The following DCAF6 variants were observed in gnomAD, a reference collection of about 807,000 sequenced individuals.
DCAF6 encodes DDB1- and CUL4-associated factor 6.
A neutral mutation model predicts 125.1 loss-of-function variants in DCAF6; 54 were observed. The ratio of observed to expected loss-of-function variants is 0.43; its 90% CI spans 0.35 to 0.54. DCAF6 has a LOEUF of 0.54. Among genes scored for constraint, DCAF6 ranks in the 20% least tolerant of loss-of-function variants. The pLI, the probability that DCAF6 is intolerant of heterozygous loss-of-function variation, is 0.01. For missense variants in DCAF6, 934 were observed against 1,161.7 expected (o/e 0.80, Z 2.85); for synonymous variants, 371 against 390.4 (o/e 0.95, Z 0.58).
At chr1:167,905,895 C>T in the DCAF6 span, among the ~76,000 whole-genome samples, 1 of 152,144 alleles carries the variant, frequency 6.6e-6, no homozygotes. Flanking sequence ...AGATTAAATG[C>T]TCATGCCTAA....
the DCAF6 span, chr1:167,880,620 G>A: frequency 9.2e-3 from 14,694 of 1,589,768 alleles, 88 homozygotes; most frequent in Admixed American, 0.025. Flanking sequence ...CTGTGAGGGA[G>A]AGAGACAGCA....
chr1:168,020,911 C>G (rs1213903468), intron 11 of DCAF6, among the ~76,000 whole-genome samples: 2 of 151,874 alleles, frequency 1.3e-5, no homozygotes, highest in Non-Finnish European at 2.9e-5. Flanking sequence ...AAGCAGTGAC[C>G]AGGAAGGATT....
In DCAF6 at chr1:168,065,494, T is replaced by G. The variant is rs1572165992; in HGVS notation, c.2440-96T>G. Reference sequence around the variant, plus strand: ...TTCTAAGCCAGTTTTTTAAAAAATGTAAGAATTAAAACAAATAAAAAAATG... The same window carrying G: ...TTCTAAGCCAGTTTTTTAAAAAATGGAAGAATTAAAACAAATAAAAAAATG... On this transcript the variant is annotated intron_variant, in intron 18 of 21. Coordinates refer to ENST00000367840, the MANE Select transcript of DCAF6 (RefSeq NM_001198956.2). The G allele has an allele frequency of 5.1e-6, 5 of 983,552 alleles. No individual in the cohort carries two copies. The East Asian group carries it at 1.3e-4, about 26-fold the overall frequency. The allele number at this position is 983,552 out of a possible 1,614,324, so 60.9% of individuals were successfully genotyped here.
At chr1:167,881,067 C>T in the DCAF6 span, among the ~76,000 whole-genome samples, 1 of 152,208 alleles carries the variant, frequency 6.6e-6, no homozygotes, top group African/African-American at 2.4e-5. Flanking sequence ...AATGGATATA[C>T]TGTAGACCTG....
chr1:167,934,938 T>C (rs1012155688), upstream of DCAF6, among the ~76,000 whole-genome samples: 1 of 152,150 alleles, frequency 6.6e-6, no homozygotes, highest in African/African-American at 2.4e-5. Context: ...TTACAGTTTT[T>C]TTTTTCAACC....
intron 18 of DCAF6, among the ~76,000 whole-genome samples, chr1:168,064,487 T>A (rs1692084013): frequency 6.6e-6 from 1 of 152,118 alleles, no homozygotes; most frequent in Admixed American, 6.5e-5. Context: ...GCTGATGAAT[T>A]TGTAGCTTGC....
the DCAF6 span, chr1:167,917,073 C>T: frequency 4.6e-5 from 7 of 152,280 alleles, no homozygotes; most frequent in Admixed American, 6.5e-5. Flanking sequence ...AAATAACTTG[C>T]TTTGCTGACT....
At chr1:167,954,843 C>T (rs1037480131) in intron 2 of DCAF6, among the ~76,000 whole-genome samples, 8 of 152,186 alleles carry the variant, frequency 5.3e-5, no homozygotes, top group Non-Finnish European at 1.0e-4. Flanking sequence ...TGTAAACATA[C>T]ACAAAGTCAT....
At chr1:168,024,665 G>A (rs1233895064) in intron 12 of DCAF6, among the ~76,000 whole-genome samples, 3 of 152,082 alleles carry the variant, frequency 2.0e-5, no homozygotes, top group African/African-American at 7.2e-5. Flanking sequence ...TTAGCCGGAT[G>A]TGGTGGCCCG....
intron 10 of DCAF6, among the ~76,000 whole-genome samples, chr1:168,008,891 TCCCCC>T (rs569884809): frequency 6.0e-5 from 3 of 50,184 alleles, no homozygotes; most frequent in Non-Finnish European, 1.2e-4. Flanking sequence ...CCCCCTCCCC[TCCCCC>T]CTCCCTCCCT....
At chr1:167,920,155 A>C in the DCAF6 span, 10,721 of 964,204 alleles carry the variant, frequency 0.011, 73 homozygotes, top group Middle Eastern at 0.021. Context: ...GTGAATACTT[A>C]ATATTGAGTA....
the DCAF6 span, chr1:167,920,531 T>C: frequency 6.2e-7 from 1 of 1,610,242 alleles, no homozygotes; most frequent in Non-Finnish European, 8.5e-7. Context: ...ACACAGAAGA[T>C]ATTTATTTAA....
the DCAF6 span, among the ~76,000 whole-genome samples, chr1:167,907,167 T>C: frequency 3.3e-5 from 5 of 152,164 alleles, no homozygotes; most frequent in African/African-American, 9.7e-5. Context: ...CAAAAAACCA[T>C]GGAGAACAAG....
At chr1:167,966,593 C>T (rs1455696270) in intron 2 of DCAF6, 36 bp from the exon 3 acceptor site, 2 of 1,341,012 alleles carry the variant, frequency 1.5e-6, no homozygotes, top group Non-Finnish European at 2.1e-6. Flanking sequence ...CTTTTATGTC[C>T]AATTTGCTTA....
the DCAF6 span, among the ~76,000 whole-genome samples, chr1:167,916,307 A>C: frequency 0.08 from 12,214 of 152,228 alleles, 579 homozygotes; most frequent in Middle Eastern, 0.11. Context: ...CCTGGGTTGA[A>C]GTGATTCTCC....
intron 19 of DCAF6, 118 bp from the exon 20 acceptor site, chr1:168,066,259 A>G: frequency 1.9e-6 from 1 of 524,658 alleles, no homozygotes; most frequent in Non-Finnish European, 3.3e-6. Flanking sequence ...AGTTAAATAT[A>G]TAGTGTACAA....
chr1:168,048,051 T>G (rs745926034), intron 16 of DCAF6, among the ~76,000 whole-genome samples: 15 of 152,194 alleles, frequency 9.9e-5, no homozygotes, highest in South Asian at 2.1e-4. Flanking sequence ...TAAGAGATTT[T>G]GCTTCTTAAG....
At chr1:167,888,237 T>C in the DCAF6 span, among the ~76,000 whole-genome samples, 1 of 152,212 alleles carries the variant, frequency 6.6e-6, no homozygotes, top group East Asian at 1.9e-4. Flanking sequence ...TCTTTTTGCT[T>C]CAGATAGCTT....
chr1:167,972,389 C>T (rs1571737455), intron 3 of DCAF6, among the ~76,000 whole-genome samples: 1 of 152,132 alleles, frequency 6.6e-6, no homozygotes, highest in African/African-American at 2.4e-5. Context: ...AAATGAAGTT[C>T]AAATGATAGG....
Sources: allele counts gnomAD v4.1 joint callset (sites outside exome capture counted in the v4.1 genomes callset), GRCh38; gene constraint gnomAD v4.1.1; transcripts MANE v1.5; gene names NCBI Gene and HGNC (gene_info 2026-07-23, HGNC 2026-07-21).